The following ARHGAP6 variants were observed in gnomAD, a reference collection of about 807,000 sequenced individuals.
The protein encoded by ARHGAP6 is Rho GTPase activating protein 6, also known as rho GTPase-activating protein 6.
ARHGAP6 carries 16 observed loss-of-function variants against 55.7 expected under a neutral mutation model. The observed-to-expected ratio is 0.29, with a 90% CI of 0.19 to 0.44. The LOEUF (loss-of-function observed/expected upper bound fraction) is 0.44. Ranked by LOEUF, ARHGAP6 falls within the 20% of genes least tolerant of loss-of-function variation. ARHGAP6 has a pLI of 1.00. For synonymous variants in ARHGAP6, 382 were observed against 360.9 expected, an observed-to-expected ratio of 1.06 and a Z score of -0.66; for missense variants, 698 against 808.9, an observed-to-expected ratio of 0.86 and a Z score of 1.66.
intron 9 of ARHGAP6, among the ~76,000 whole-genome samples, chrX:11,162,333 G>GC (rs143136866): frequency 0.32 from 25,259 of 77,828 alleles, 4,422 homozygotes; most frequent in African/African-American, 0.48. Flanking sequence ...CTGAAACTGT[G>GC]CCCCCCCCCC....
At chrX:11,384,777 T>C (rs1445184595) in intron 1 of ARHGAP6, among the ~76,000 whole-genome samples, 2 of 111,480 alleles carry the variant, frequency 1.8e-5, no homozygotes, top group East Asian at 2.8e-4. Flanking sequence ...GGGCCTGGTA[T>C]GTTTGAAAAG....
chrX:11,273,654 G>A (rs1475052974), intron 1 of ARHGAP6, among the ~76,000 whole-genome samples: 5 of 33,437 alleles, frequency 1.5e-4, no homozygotes, highest in Non-Finnish European at 2.8e-4. Flanking sequence ...TCTATGGGTA[G>A]ATTTTTTTTT....
intron 1 of ARHGAP6, among the ~76,000 whole-genome samples, chrX:11,586,616 G>A (rs1350029183): frequency 1.8e-5 from 2 of 111,662 alleles, no homozygotes; most frequent in Admixed American, 9.5e-5. Context: ...GATGCCTCCA[G>A]TTTTGTTCTT....
chrX:11,173,457 CA>C lies in ARHGAP6; in HGVS notation c.1630-3774del, dbSNP rs745828584. Among the ~76,000 whole-genome samples, 8 of 112,111 alleles carry C rather than the reference CA, an allele frequency of 7.1e-5. No individual in the cohort carries two copies. The East Asian group carries it at 2.2e-3, about 31-fold the overall frequency. ...TCACACCACATTTTCCAGGCAGTGC[CA>C]GGGGGTTCTTGAACTCTGAAAAACC... On this transcript the variant is annotated intron_variant, in intron 8 of 12. Coordinates refer to ENST00000337414, the MANE Select transcript of ARHGAP6 (RefSeq NM_013427.3).
intron 1 of ARHGAP6, among the ~76,000 whole-genome samples, chrX:11,396,123 C>T (rs1335286139): frequency 9.0e-6 from 1 of 111,166 alleles, no homozygotes; most frequent in Non-Finnish European, 1.9e-5. Context: ...TTAGTTGCTT[C>T]CAATAGAAAG....
intron 1 of ARHGAP6, among the ~76,000 whole-genome samples, chrX:11,311,831 T>C (rs1293871468): frequency 1.8e-5 from 2 of 111,616 alleles, no homozygotes; most frequent in African/African-American, 3.3e-5. Flanking sequence ...GCACACGCTA[T>C]GTTACTTTTT....
rs758941844 is a variant in ARHGAP6, at chrX:11,391,691, G to A, written c.589-136984C>T. ...CTTTCTTTTTCTTTTTTAAAATGAT[G>A]CCAAGGCAGGCTTCTTCCCAGACCA... On this transcript the variant is annotated intron_variant, in intron 1 of 12. Transcript: ENST00000337414. 6.2e-5 allele frequency among the ~76,000 whole-genome samples: 7 copies of A among 112,053 alleles called. No homozygotes were observed. In the East Asian group the frequency reaches 2.0e-3, roughly 31 times the overall value.
chrX:11,623,508 G>A (rs1022583948), intron 1 of ARHGAP6, among the ~76,000 whole-genome samples: 2 of 108,742 alleles, frequency 1.8e-5, no homozygotes, highest in African/African-American at 6.7e-5. Flanking sequence ...TGGCCAACAC[G>A]GTGAAACCCC....
intron 1 of ARHGAP6, among the ~76,000 whole-genome samples, chrX:11,331,919 T>C (rs960243801): frequency 8.9e-6 from 1 of 111,853 alleles, no homozygotes; most frequent in Non-Finnish European, 1.9e-5. Context: ...ATCATAGACA[T>C]AACTGGCTAT....
intron 1 of ARHGAP6, among the ~76,000 whole-genome samples, chrX:11,476,431 C>T (rs764293164): frequency 4.5e-5 from 5 of 111,476 alleles, no homozygotes; most frequent in Non-Finnish European, 7.6e-5. Context: ...TCAGTGTAAT[C>T]TCAATCAAAA....
chrX:11,620,547 C>T (rs191382809), intron 1 of ARHGAP6, among the ~76,000 whole-genome samples: 90 of 112,352 alleles, frequency 8.0e-4, no homozygotes, highest in African/African-American at 2.6e-3. Flanking sequence ...CAATGGGAGA[C>T]GAAAAGTCCT....
intron 1 of ARHGAP6, among the ~76,000 whole-genome samples, chrX:11,658,380 G>A: frequency 9.0e-6 from 1 of 111,534 alleles, no homozygotes; most frequent in Middle Eastern, 4.6e-3. Context: ...ATGTGTGAAA[G>A]TTGAATAACT....
intron 1 of ARHGAP6, chrX:11,334,726 T>C: frequency 4.3e-6 from 1 of 231,126 alleles, no homozygotes; most frequent in Non-Finnish European, 8.1e-6. Context: ...AATGCTCTGT[T>C]CAATGAAGTT....
intron 1 of ARHGAP6, among the ~76,000 whole-genome samples, chrX:11,345,012 A>G (rs1244856441): frequency 8.9e-6 from 1 of 112,549 alleles, no homozygotes; most frequent in East Asian, 2.8e-4. Flanking sequence ...CAAAGTTGCC[A>G]TTGAAATTGA....
intron 1 of ARHGAP6, among the ~76,000 whole-genome samples, chrX:11,515,877 A>G (rs942203564): frequency 2.7e-5 from 3 of 112,967 alleles, no homozygotes; most frequent in African/African-American, 9.6e-5. Context: ...TGAAGACTAA[A>G]TTACTAAAAT....
Position 11,379,514 on chromosome X carries a change from T to A in ARHGAP6, c.589-124807A>T, listed in dbSNP as rs184087629. 2.3e-3 allele frequency among the ~76,000 whole-genome samples: 257 copies of A among 112,124 alleles called. 1 individual carries two copies. The highest frequency in any genetic ancestry group is 9.2e-3 in the Middle Eastern group (2 of 217). On this transcript the variant is annotated intron_variant, in intron 1 of 12. Coordinates refer to ENST00000337414, the MANE Select transcript of ARHGAP6 (RefSeq NM_013427.3). The stretch of plus-strand genomic sequence containing the variant: ...TGACAATGAGGGATCTACAAACAAA[T>A]TAGGTTTTGAAGAGCTGGAATACTA...
intron 12 of ARHGAP6, among the ~76,000 whole-genome samples, 199 bp from the exon 13 acceptor site, chrX:11,139,729 G>T (rs1197319033): frequency 1.8e-5 from 2 of 111,973 alleles, no homozygotes; most frequent in Admixed American, 9.4e-5. Flanking sequence ...AATGCTTTTT[G>T]ATTATCGGCT....
At chrX:11,473,243 A>G (rs1325355360) in intron 1 of ARHGAP6, among the ~76,000 whole-genome samples, 2 of 111,608 alleles carry the variant, frequency 1.8e-5, no homozygotes, top group Non-Finnish European at 3.8e-5. Flanking sequence ...GGGGTCAAAA[A>G]TGCAAGAAAG....
intron 1 of ARHGAP6, among the ~76,000 whole-genome samples, chrX:11,310,831 A>G (rs1431525955): frequency 8.9e-6 from 1 of 111,889 alleles, no homozygotes; most frequent in Non-Finnish European, 1.9e-5. Flanking sequence ...TTCATGGTTC[A>G]GCCCCACTCC....
Sources: allele counts gnomAD v4.1 joint callset (sites outside exome capture counted in the v4.1 genomes callset), GRCh38; gene constraint gnomAD v4.1.1; transcripts MANE v1.5; gene names NCBI Gene and HGNC (gene_info 2026-07-23, HGNC 2026-07-21).